MAGI2: variants seen among roughly 807,000 people sequenced by gnomAD.
The protein encoded by MAGI2 is membrane-associated guanylate kinase, WW and PDZ domain-containing protein 2.
MAGI2 carries 35 observed loss-of-function variants against 133.3 expected under a neutral mutation model. The ratio of observed to expected loss-of-function variants is 0.26; its 90% CI spans 0.20 to 0.35. The LOEUF (loss-of-function observed/expected upper bound fraction) is 0.35, where lower values mean the gene tolerates loss of function less well. MAGI2 is among the 10% of genes least tolerant of loss of function. The pLI, the probability that MAGI2 is intolerant of heterozygous loss-of-function variation, is 1.00. For synonymous variants in MAGI2, 729 were observed against 710.6 expected (o/e 1.03, Z -0.41); for missense variants, 1,636 against 1,863.4 (o/e 0.88, Z 2.25).
chr7:78,841,484 C>T (rs369378030), intron 2 of MAGI2, among the ~76,000 whole-genome samples: 42 of 151,902 alleles, frequency 2.8e-4, no homozygotes, highest in Admixed American at 1.2e-3. Flanking sequence ...TCTGGGAGAT[C>T]TCATCCTTAC....
chr7:78,731,561 A>G (rs1425079232), intron 2 of MAGI2, among the ~76,000 whole-genome samples: 1 of 152,204 alleles, frequency 6.6e-6, no homozygotes, highest in African/African-American at 2.4e-5. Context: ...AGAGAATCCC[A>G]TTGAAATAAT....
chr7:78,814,363 T>A (rs1302208915), intron 2 of MAGI2, among the ~76,000 whole-genome samples: 1 of 152,212 alleles, frequency 6.6e-6, no homozygotes, highest in East Asian at 1.9e-4. Context: ...ATCTGTATGT[T>A]CACTGACATT....
At chr7:78,065,693 A>T in intron 21 of MAGI2, 1 of 612,572 alleles carries the variant, frequency 1.6e-6, no homozygotes, top group South Asian at 2.0e-5. Context: ...GCCTAGGACC[A>T]ATCATTAGAA....
At position 78,871,311 on chromosome 7, in the gene MAGI2, A is replaced by AAAT. The variant is rs528142949; in HGVS notation, c.418+135776_418+135778dup. 8.6e-3 allele frequency among the ~76,000 whole-genome samples: 1,308 copies of AAAT among 151,684 alleles called. 11 individuals carry two copies. Among genetic ancestry groups the AAAT allele is most frequent in the African/African-American group, 0.029 (1,198 of 41,266 alleles). On this transcript the variant is annotated intron_variant, in intron 2 of 21. Transcript: ENST00000354212. ...GGGGACAGAGCGAGACTCCATCTCA[A>AAAT]AATAATAATAATAATAATAATTTAA...
intron 16 of MAGI2, among the ~76,000 whole-genome samples, chr7:78,136,303 G>A (rs989478493): frequency 3.3e-5 from 5 of 152,084 alleles, no homozygotes; most frequent in Admixed American, 2.0e-4. Context: ...TGTATTTTTA[G>A]TAGAGTCGGG....
intron 2 of MAGI2, among the ~76,000 whole-genome samples, chr7:78,666,487 AG>A (rs1319672574): frequency 6.6e-6 from 1 of 152,134 alleles, no homozygotes; most frequent in Non-Finnish European, 1.5e-5. Context: ...TGAAAGTTGT[AG>A]AGAACAAGTC....
At chr7:79,447,753 T>C (rs1305915766) in intron 1 of MAGI2, among the ~76,000 whole-genome samples, 1 of 151,960 alleles carries the variant, frequency 6.6e-6, no homozygotes, top group African/African-American at 2.4e-5. Context: ...TAGTATAGTA[T>C]AAAATACTAT....
At chr7:78,489,691 ACT>A in intron 6 of MAGI2, 68 bp downstream of exon 6, 1 of 1,108,544 alleles carries the variant, frequency 9.0e-7, no homozygotes, top group South Asian at 1.3e-5. Context: ...TTCAGGTGAG[ACT>A]CTCATTTAAG....
intron 9 of MAGI2, among the ~76,000 whole-genome samples, chr7:78,326,645 G>A (rs1008366976): frequency 6.6e-6 from 1 of 152,088 alleles, no homozygotes; most frequent in Non-Finnish European, 1.5e-5. Context: ...AGAAGGGGAG[G>A]TGGAAGAGGT....
intron 1 of MAGI2, among the ~76,000 whole-genome samples, chr7:79,267,376 C>T (rs1834551178): frequency 1.3e-5 from 2 of 152,180 alleles, no homozygotes; most frequent in Non-Finnish European, 2.9e-5. Flanking sequence ...AAAGGGGCCT[C>T]TCTGACCCAG....
chr7:78,817,594 T>C (rs1789704063), intron 2 of MAGI2, among the ~76,000 whole-genome samples: 1 of 152,226 alleles, frequency 6.6e-6, no homozygotes, highest in Non-Finnish European at 1.5e-5. Context: ...GGCAACCAGA[T>C]TATGACTCTG....
intron 6 of MAGI2, among the ~76,000 whole-genome samples, chr7:78,400,357 AT>A (rs34950799): frequency 0.54 from 82,476 of 151,954 alleles, 23,250 homozygotes; most frequent in Middle Eastern, 0.64. Context: ...TACTTCAGTC[AT>A]TTTTAAGTAC....
chr7:79,355,454 G>A (rs922657673), intron 1 of MAGI2, among the ~76,000 whole-genome samples: 1 of 152,226 alleles, frequency 6.6e-6, no homozygotes, highest in South Asian at 2.1e-4. Flanking sequence ...GTAGCTACTA[G>A]TTTTATGGTT....
At chr7:79,383,185 T>C (rs1843922559) in intron 1 of MAGI2, among the ~76,000 whole-genome samples, 1 of 151,658 alleles carries the variant, frequency 6.6e-6, no homozygotes, top group East Asian at 1.9e-4. Flanking sequence ...AAATCCATTA[T>C]TTTTATCATT....
At position 79,212,708 on chromosome 7, in the gene MAGI2, T is replaced by A. The variant is rs76070944; in HGVS notation, c.302-205502A>T. ...CTGCTTTCTCTTTTATTCTAATAAA[T>A]CTCAACTAATTGCAGGAAATAATTT... On this transcript the variant is annotated intron_variant, in intron 1 of 21. Transcript: ENST00000354212. 3.5e-4 allele frequency among the ~76,000 whole-genome samples: 54 copies of A among 152,186 alleles called. 1 individual carries two copies. The East Asian group carries it at 9.8e-3, about 28-fold the overall frequency.
At chr7:79,213,195 G>T (rs146824263) in intron 1 of MAGI2, among the ~76,000 whole-genome samples, 3,950 of 149,702 alleles carry the variant, frequency 0.026, 83 homozygotes, top group East Asian at 0.05. Context: ...TTTCTGTATA[G>T]ATTTTTCTGT....
chr7:78,495,817 A>G (rs1054567865), intron 5 of MAGI2, among the ~76,000 whole-genome samples: 2 of 152,194 alleles, frequency 1.3e-5, no homozygotes, highest in African/African-American at 4.8e-5. Flanking sequence ...TGTATTGCAC[A>G]CTGTTTTGTC....
intron 21 of MAGI2, among the ~76,000 whole-genome samples, chr7:78,071,791 G>A (rs1026243887): frequency 3.9e-5 from 6 of 152,172 alleles, no homozygotes; most frequent in African/African-American, 1.4e-4. Context: ...ATTTGTGGAA[G>A]CTCTCATGGA....
chr7:79,189,496 T>G (rs1427243286), intron 1 of MAGI2, among the ~76,000 whole-genome samples: 1 of 151,656 alleles, frequency 6.6e-6, no homozygotes, highest in Non-Finnish European at 1.5e-5. Context: ...GTAGTTTATG[T>G]TTTCAAAAAA....
Sources: allele counts gnomAD v4.1 joint callset (sites outside exome capture counted in the v4.1 genomes callset), GRCh38; gene constraint gnomAD v4.1.1; transcripts MANE v1.5; gene names NCBI Gene and HGNC (gene_info 2026-07-23, HGNC 2026-07-21).